Variants in DENND4C observed in about 807,000 individuals in gnomAD.
The protein encoded by DENND4C is DENN domain containing 4C, also known as DENN domain-containing protein 4C.
In DENND4C, 108 loss-of-function variants were observed where a neutral mutation model predicts 203.0. The observed-to-expected ratio is 0.53, with a 90% CI of 0.46 to 0.62. The LOEUF (loss-of-function observed/expected upper bound fraction) is 0.62, where lower values mean the gene tolerates loss of function less well. Among genes scored for constraint, DENND4C ranks in the 20% least tolerant of loss-of-function variants. The probability of loss-of-function intolerance (pLI) is 0.00; values close to 1 mark genes in which losing one functional copy is unlikely to be tolerated. For missense variants in DENND4C, 2,481 were observed against 2,301.2 expected (o/e 1.08, Z -1.60); for synonymous variants, 871 against 792.4 (o/e 1.10, Z -1.67).
At chr9:19,324,592 G>C in intron 13 of DENND4C, 85 bp downstream of exon 13, 1 of 1,396,030 alleles carries the variant, frequency 7.2e-7, no homozygotes, top group Non-Finnish European at 9.9e-7. Context: ...AGTCTAGAGT[G>C]ATATAAGGAA....
chr9:19,286,476 C>A (rs1039595542), intron 2 of DENND4C, among the ~76,000 whole-genome samples: 1 of 152,038 alleles, frequency 6.6e-6, no homozygotes, highest in Non-Finnish European at 1.5e-5. Flanking sequence ...TTTCTTTTTT[C>A]ATATGTTTCT....
intron 1 of DENND4C, among the ~76,000 whole-genome samples, chr9:19,270,737 C>G (rs1198908636): frequency 6.6e-6 from 1 of 151,508 alleles, no homozygotes; most frequent in Non-Finnish European, 1.5e-5. Context: ...ATGTTCTAGC[C>G]AGTGCAATAA....
At chr9:19,321,886 G>A (rs527980932) in intron 12 of DENND4C, among the ~76,000 whole-genome samples, 2 of 150,540 alleles carry the variant, frequency 1.3e-5, no homozygotes, top group African/African-American at 4.9e-5. Context: ...TTTATCCTGA[G>A]AACACTGGAA....
At chr9:19,320,902 A>G (rs891694089) in intron 12 of DENND4C, among the ~76,000 whole-genome samples, 3 of 152,230 alleles carry the variant, frequency 2.0e-5, no homozygotes, top group Non-Finnish European at 4.4e-5. Flanking sequence ...ATTTATTTCT[A>G]TTTTATTTAA....
intron 30 of DENND4C, 50 bp downstream of exon 30, chr9:19,362,013 C>A: frequency 1.7e-6 from 2 of 1,164,110 alleles, no homozygotes; most frequent in Non-Finnish European, 2.5e-6. Flanking sequence ...GTGGCTCGCA[C>A]CTGTAATGCC....
chr9:19,295,281 G>A (rs954951987), intron 5 of DENND4C, among the ~76,000 whole-genome samples: 13 of 152,158 alleles, frequency 8.5e-5, no homozygotes, highest in African/African-American at 2.9e-4. Flanking sequence ...CGAGGTGGGC[G>A]GATCATGAGG....
At chr9:19,266,803 T>C (rs1830601051) in intron 1 of DENND4C, among the ~76,000 whole-genome samples, 1 of 152,202 alleles carries the variant, frequency 6.6e-6, no homozygotes, top group African/African-American at 2.4e-5. Context: ...GATCCCTTCC[T>C]TACACCTTAT....
chr9:19,316,860 A>G (rs774337274), intron 12 of DENND4C, 21 bp downstream of exon 12: 22 of 1,575,396 alleles, frequency 1.4e-5, no homozygotes, highest in Middle Eastern at 1.7e-4. Context: ...TTGAAAGTAC[A>G]ATTCCTTTTA....
intron 9 of DENND4C, 21 bp from the exon 10 acceptor site, chr9:19,305,331 T>G (rs1839445976): frequency 1.3e-6 from 2 of 1,572,160 alleles, no homozygotes; most frequent in South Asian, 1.2e-5. Context: ...TTTGGTTAAT[T>G]TTTTAAAACT....
chr9:19,340,934 T>C (rs1412232569), intron 20 of DENND4C, 58 bp from the exon 21 acceptor site: 1 of 1,380,528 alleles, frequency 7.2e-7, no homozygotes. Flanking sequence ...GTGATTTTTA[T>C]ATATGAATTA....
chr9:19,243,882 G>A (rs539403782), intron 1 of DENND4C, among the ~76,000 whole-genome samples: 3 of 152,250 alleles, frequency 2.0e-5, no homozygotes, highest in Non-Finnish European at 4.4e-5. Flanking sequence ...CACAGTCGTC[G>A]CTCACTGCAG....
chr9:19,252,640 C>G (rs1390406746), intron 1 of DENND4C, among the ~76,000 whole-genome samples: 19 of 151,852 alleles, frequency 1.3e-4, no homozygotes, highest in Admixed American at 6.6e-4. Flanking sequence ...GTTGTGTTAT[C>G]AGTTTGATAG....
At chr9:19,280,269 C>T (rs1250138355) in intron 2 of DENND4C, among the ~76,000 whole-genome samples, 1 of 152,122 alleles carries the variant, frequency 6.6e-6, no homozygotes, top group Non-Finnish European at 1.5e-5. Context: ...GCCTCAGCCT[C>T]CCAAGTAGCT....
At chr9:19,297,116 G>A (rs1275442134) in intron 6 of DENND4C, among the ~76,000 whole-genome samples, 3 of 152,128 alleles carry the variant, frequency 2.0e-5, no homozygotes, top group Non-Finnish European at 4.4e-5. Context: ...TATAATTTAT[G>A]TATCCTGCTA....
intron 12 of DENND4C, among the ~76,000 whole-genome samples, chr9:19,322,789 C>T (rs1211482769): frequency 2.0e-5 from 3 of 150,984 alleles, no homozygotes; most frequent in African/African-American, 4.9e-5. Flanking sequence ...CATGAGCCTT[C>T]CCTCTCTGCT....
chr9:19,334,245 T>A (rs1819916429), intron 17 of DENND4C, among the ~76,000 whole-genome samples: 1 of 152,032 alleles, frequency 6.6e-6, no homozygotes, highest in Admixed American at 6.6e-5. Context: ...GAGATGGAGT[T>A]TCACTGTGTT....
intron 1 of DENND4C, among the ~76,000 whole-genome samples, chr9:19,259,904 A>G (rs1415492711): frequency 6.6e-6 from 1 of 152,176 alleles, no homozygotes; most frequent in Middle Eastern, 3.2e-3. Flanking sequence ...GCTATTGTGA[A>G]TAGTGCTGCA....
chr9:19,350,672 G>A lies in DENND4C; in HGVS notation c.4318-30G>A, dbSNP rs1394166830. The stretch of plus-strand genomic sequence containing the variant: ...TCCCACTGGAGAAGGTATTATTTAT[G>A]TATGTGGAATTTTTTTTTTTCAATT... On this transcript the variant is annotated intron_variant, in intron 23 of 32. Transcript: ENST00000434457. 3.8e-6 allele frequency: 6 copies of A among 1,585,212 alleles called. No homozygotes were observed. The East Asian group carries it at 9.0e-5, about 24-fold the overall frequency.
At chr9:19,340,656 G>A (rs747114038) in intron 20 of DENND4C, among the ~76,000 whole-genome samples, 12 of 152,154 alleles carry the variant, frequency 7.9e-5, no homozygotes, top group Non-Finnish European at 1.5e-4. Context: ...AAAGTAAGCA[G>A]ATATATGTGT....
Sources: allele counts gnomAD v4.1 joint callset (sites outside exome capture counted in the v4.1 genomes callset), GRCh38; gene constraint gnomAD v4.1.1; transcripts MANE v1.5; gene names NCBI Gene and HGNC (gene_info 2026-07-23, HGNC 2026-07-21).